The following ANO1 variants were observed in gnomAD, a reference collection of about 807,000 sequenced individuals.
The protein encoded by ANO1 is anoctamin-1.
Under a neutral mutation model 124.0 loss-of-function variants are expected in ANO1, and 59 were observed. The ratio of observed to expected loss-of-function variants is 0.48; its 90% confidence interval spans 0.39 to 0.59. ANO1 has a LOEUF of 0.59. Ranked by LOEUF, ANO1 falls within the 20% of genes least tolerant of loss-of-function variation. The probability of loss-of-function intolerance (pLI) is 0.00; values close to 1 mark genes in which losing one functional copy is unlikely to be tolerated. For synonymous variants in ANO1, 529 were observed against 532.0 expected (o/e 0.99, Z 0.08); for missense variants, 1,059 against 1,328.0 (o/e 0.80, Z 3.15).
rs181259736 is a variant in ANO1, at chr11:70,118,364, C to T, written c.897+1865C>T. Among the ~76,000 whole-genome samples the T allele has an allele frequency of 8.4e-3, 1,276 of 152,242 alleles. 71 individuals carry two copies. Among genetic ancestry groups the T allele is most frequent in the Admixed American group, 0.072 (1,096 of 15,288 alleles). On this transcript the variant is annotated intron_variant, in intron 8 of 25. Coordinates refer to ENST00000355303, the MANE Select transcript of ANO1 (RefSeq NM_018043.7). ...TGTGCCAGGCCCAGCAAACACAATG[C>T]GGGTTTGTCCAGGCCCAGCTGTTTA... is the stretch of plus-strand genomic sequence containing the variant.
At chr11:70,171,180 G>A (rs1197324077) in intron 22 of ANO1, 141 bp downstream of exon 22, 2 of 1,247,424 alleles carry the variant, frequency 1.6e-6, no homozygotes, top group Non-Finnish European at 2.2e-6. Context: ...GCCGGGTGGA[G>A]CCTGGGGGCA....
At chr11:70,076,095 T>C (rs1389698396), upstream of ANO1, among the ~76,000 whole-genome samples, 12 of 152,150 alleles carry the variant, frequency 7.9e-5, no homozygotes, top group Admixed American at 7.9e-4. Context: ...ACTGTCCACC[T>C]GGGAAGACTT....
chr11:70,057,597 G>T (rs1031544904), intron 1 of ANO1, among the ~76,000 whole-genome samples: 2 of 152,110 alleles, frequency 1.3e-5, no homozygotes, highest in Non-Finnish European at 2.9e-5. Flanking sequence ...AGTTAAAGGG[G>T]GTTTTCTCTT....
intron 1 of ANO1, among the ~76,000 whole-genome samples, chr11:70,003,510 ACT>A (rs1272015284): frequency 6.6e-6 from 1 of 151,638 alleles, no homozygotes; most frequent in Non-Finnish European, 1.5e-5. Flanking sequence ...CAGGAAGCTT[ACT>A]CTGTGCTGGG....
chr11:70,080,271 A>C (rs2044163412), intron 1 of ANO1, among the ~76,000 whole-genome samples: 1 of 152,236 alleles, frequency 6.6e-6, no homozygotes, highest in Admixed American at 6.5e-5. Flanking sequence ...GACCAGCTCC[A>C]AGTCACCCAT....
At chr11:70,104,840 G>C (rs140020266) in intron 4 of ANO1, among the ~76,000 whole-genome samples, 1 of 152,140 alleles carries the variant, frequency 6.6e-6, no homozygotes, top group South Asian at 2.1e-4. Flanking sequence ...AGGGTCGGGG[G>C]CATGGAAAAG....
intron 1 of ANO1, among the ~76,000 whole-genome samples, chr11:70,019,504 GCAGGAGCCGGC>G (rs1555002391): frequency 6.6e-6 from 1 of 152,180 alleles, no homozygotes; most frequent in African/African-American, 2.4e-5. Flanking sequence ...CTCTGGGTGT[GCAGGAGCCGGC>G]TCACCCAATT....
At chr11:70,140,430 C>T (rs934404622) in intron 11 of ANO1, among the ~76,000 whole-genome samples, 1 of 151,924 alleles carries the variant, frequency 6.6e-6, no homozygotes, top group African/African-American at 2.4e-5. Flanking sequence ...ACTCAGGAGG[C>T]TGAGGCAGGA....
chr11:70,010,829 T>C (rs1555000990), intron 1 of ANO1, among the ~76,000 whole-genome samples: 1 of 152,220 alleles, frequency 6.6e-6, no homozygotes, highest in Admixed American at 6.5e-5. Flanking sequence ...GATGCCTTCC[T>C]CAACCTCCCA....
intron 23 of ANO1, among the ~76,000 whole-genome samples, chr11:70,180,886 G>C (rs1028232384): frequency 6.6e-6 from 1 of 152,186 alleles, no homozygotes; most frequent in African/African-American, 2.4e-5. Flanking sequence ...CCTTACACAC[G>C]GCTCTGCTAA....
At chr11:70,062,912 TG>T in intron 1 of ANO1, among the ~76,000 whole-genome samples, 1 of 152,120 alleles carries the variant, frequency 6.6e-6, no homozygotes, top group East Asian at 1.9e-4. Context: ...GTTGTTTTTT[TG>T]TTGTTGTTGT....
At chr11:70,095,275 G>GGAAGGAAGGAAGGAAGGAAA (rs2044818209) in intron 2 of ANO1, among the ~76,000 whole-genome samples, 1 of 81,264 alleles carries the variant, frequency 1.2e-5, no homozygotes, top group Admixed American at 1.2e-4. Context: ...AAGGAAGGAA[G>GGAAGGAAGGAAGGAAGGAAA]GAAGGAAGGA....
At chr11:70,179,758 C>T (rs1194993079) in intron 22 of ANO1, among the ~76,000 whole-genome samples, 1 of 152,184 alleles carries the variant, frequency 6.6e-6, no homozygotes, top group South Asian at 2.1e-4. Flanking sequence ...ACTGAGGGAG[C>T]AGCTGTCTTT....
intron 11 of ANO1, among the ~76,000 whole-genome samples, chr11:70,141,393 C>G (rs2047149462): frequency 6.6e-6 from 1 of 152,166 alleles, no homozygotes; most frequent in Non-Finnish European, 1.5e-5. Flanking sequence ...TGCCTGCTGA[C>G]CCCGCGGGAG....
intron 1 of ANO1, chr11:70,064,235 C>G (rs1352236140): frequency 1.3e-5 from 2 of 152,256 alleles, no homozygotes. Context: ...CTGGCTCTCA[C>G]GCACACTCTC....
At chr11:70,099,099 G>A (rs113554264) in intron 2 of ANO1, among the ~76,000 whole-genome samples, 2 of 152,040 alleles carry the variant, frequency 1.3e-5, no homozygotes, top group South Asian at 2.1e-4. Context: ...CCACCCCCAC[G>A]GCCGTGGCTC....
At chr11:70,022,070 G>A (rs940174858) in intron 1 of ANO1, among the ~76,000 whole-genome samples, 1 of 152,154 alleles carries the variant, frequency 6.6e-6, no homozygotes. Flanking sequence ...ACTTCCTGCC[G>A]CTTTGACATC....
Position 70,090,875 on chromosome 11 carries a change from C to A in ANO1, c.441+2791C>A, listed in dbSNP as rs574771378. Among the ~76,000 whole-genome samples the A allele has an allele frequency of 2.2e-4, 34 of 152,170 alleles. 1 individual carries two copies. Among genetic ancestry groups the A allele is most frequent in the Non-Finnish European group, 1.2e-4 (8 of 68,036 alleles). On this transcript the variant is annotated intron_variant, in intron 2 of 25. Coordinates refer to ENST00000355303, the MANE Select transcript of ANO1 (RefSeq NM_018043.7). ...TGAAACCGTGATTGTGGGGTAGAAA[C>A]GTCCATTCAAGTTTTCAAAGGGCTG...
intron 1 of ANO1, among the ~76,000 whole-genome samples, chr11:70,066,210 C>T (rs1857713815): frequency 6.6e-6 from 1 of 152,142 alleles, no homozygotes; most frequent in Non-Finnish European, 1.5e-5. Context: ...AGCAGATGGC[C>T]AAGTCTGTGA....
Sources: gnomAD v4.1 joint callset for allele counts (sites outside exome capture counted in the v4.1 genomes callset) on GRCh38, gnomAD v4.1.1 for gene constraint, MANE v1.5 for transcripts, NCBI Gene and HGNC (gene_info 2026-07-23, HGNC 2026-07-21) for gene names.